MXRA5: variants seen among roughly 807,000 people sequenced by gnomAD.
The protein encoded by MXRA5 is matrix remodeling associated 5.
A neutral mutation model predicts 112.5 loss-of-function variants in MXRA5; 41 were observed. The ratio of observed to expected loss-of-function variants is 0.36; its 90% CI spans 0.28 to 0.47. The LOEUF is 0.47. MXRA5 is among the 20% of genes least tolerant of loss of function. The probability of loss-of-function intolerance (pLI) is 0.99; values close to 1 mark genes in which losing one functional copy is unlikely to be tolerated. For missense variants in MXRA5, 2,150 were observed against 2,251.0 expected, an observed-to-expected ratio of 0.96 and a Z score of 0.91; for synonymous variants, 862 against 900.8, an observed-to-expected ratio of 0.96 and a Z score of 0.77.
intron 6 of MXRA5, among the ~76,000 whole-genome samples, chrX:3,315,050 A>G (rs1228680534): frequency 4.6e-5 from 5 of 109,394 alleles, no homozygotes; most frequent in African/African-American, 6.7e-5. Flanking sequence ...ACATGCTAAG[A>G]CAGGGTTACT....
At chrX:3,325,805 C>CATATATTTATAAATAAATATATTATA (rs1569184658) in intron 4 of MXRA5, among the ~76,000 whole-genome samples, 1 of 76,925 alleles carries the variant, frequency 1.3e-5, no homozygotes, top group African/African-American at 4.8e-5. Context: ...TATAGATGTA[C>CATATATTTATAAATAAATATATTATA]ATATATTTAT....
At chrX:3,337,741 G>A (rs1921814425) in intron 2 of MXRA5, among the ~76,000 whole-genome samples, 2 of 111,896 alleles carry the variant, frequency 1.8e-5, no homozygotes, top group South Asian at 7.5e-4. Context: ...ATTGAGGGAT[G>A]TTGGATCCAT....
chrX:3,320,140 G>A lies in MXRA5; in HGVS notation c.5545C>T (p.Leu1849Phe). 8.3e-7 allele frequency: 1 copy of A among 1,211,322 alleles called. No individual in the cohort carries two copies. Among genetic ancestry groups the A allele is most frequent in the Non-Finnish European group, 1.1e-6 (1 of 895,387 alleles). Residue 1849 changes from leucine (L) to phenylalanine (F), a missense_variant, in exon 5 of 7, where the codon CTT (leucine) becomes TTT (phenylalanine). By Grantham distance (22) the Leu-to-Phe change is conservative (BLOSUM62 0). Coordinates refer to ENST00000217939, the MANE Select transcript of MXRA5 (RefSeq NM_015419.4). ...GGPPASKFWS[L>F]GEKPQILTKS... Reference sequence around the variant, plus strand: ...GTGAGGATTTGTGGCTTTTCCCCAAGAGACCAGAATTTGGATGCAGGAGGT... The same window carrying A: ...GTGAGGATTTGTGGCTTTTCCCCAAAAGACCAGAATTTGGATGCAGGAGGT...
In MXRA5 at chrX:3,310,721, C is replaced by A. The variant is rs779950232; in HGVS notation, c.7482G>T (p.Arg2494=). The A allele has an allele frequency of 8.3e-7, 1 of 1,199,065 alleles. No homozygotes were observed. Among genetic ancestry groups the A allele is most frequent in the Non-Finnish European group, 1.1e-6 (1 of 890,097 alleles). Reference sequence around the variant, plus strand: ...GGGAACCGTTGCCATGGACAGTGATCCGGTTTCCATAGTATGGAGCTGGCA... The same window carrying A: ...GGGAACCGTTGCCATGGACAGTGATACGGTTTCCATAGTATGGAGCTGGCA... ...VVLPAPYYGN[R]ITVHGNGSLD... Residue 2494 remains arginine, a synonymous_variant, in exon 7 of 7, where the codon CGG becomes CGT. Coordinates refer to ENST00000217939, the MANE Select transcript of MXRA5 (RefSeq NM_015419.4).
chrX:3,314,218 CT>C (rs1050016579), intron 6 of MXRA5, among the ~76,000 whole-genome samples: 1 of 112,233 alleles, frequency 8.9e-6, no homozygotes, highest in Non-Finnish European at 1.9e-5. Flanking sequence ...GATATTAGCT[CT>C]TTTTTTGTAT....
At position 3,320,487 on chromosome X, in the gene MXRA5, A is replaced by G. The variant is rs1434278965; in HGVS notation, c.5198T>C (p.Phe1733Ser). Residue 1733 changes from phenylalanine to serine, a missense_variant, in exon 5 of 7, where the codon TTT (phenylalanine) becomes TCT (serine). Physicochemically the swap from Phe to Ser is radical, Grantham distance 155. Around this residue, in one of 6 missense-constraint regions of MXRA5, gnomAD observed 1,485 missense variants for 1,471.6 expected, o/e 1.01. Transcript: ENST00000217939. ...TGGAAAAGAAAGAGTCTTGTTGGTA[A>G]AGAAAGGGAGTCTTCCATTGGAATA... is the stretch of plus-strand genomic sequence containing the variant. ...PHYSNGRLPF[F>S]TNKTLSFPQL... The G allele has an allele frequency of 8.3e-7, 1 of 1,209,690 alleles. No homozygotes were observed. The highest frequency in any genetic ancestry group is 3.0e-5 in the East Asian group (1 of 33,755).
At chrX:3,341,017 GATATATATAATGTATA>G (rs1272017488) in intron 2 of MXRA5, among the ~76,000 whole-genome samples, 1 of 50,309 alleles carries the variant, frequency 2.0e-5, no homozygotes, top group African/African-American at 6.4e-5. Context: ...TATTATACAT[GATATATATAATGTATA>G]ATATATATTG....
At position 3,340,499 on chromosome X, in the gene MXRA5, G is replaced by A. The variant is rs771454742; in HGVS notation, c.188+3147C>T. ...GATGGAAGTAATAGATGTTGATGCA[G>A]TGAAGTGATTCTCTAGGGTTTTAAA... On this transcript the variant is annotated intron_variant, in intron 2 of 6. Transcript: ENST00000217939. Among the ~76,000 whole-genome samples, 3 of 111,683 alleles carry A rather than the reference G, an allele frequency of 2.7e-5. No individual in the cohort carries two copies. The South Asian group carries it at 1.1e-3, about 42-fold the overall frequency.
rs201774813 is a variant in MXRA5, at chrX:3,310,933, C to G, written c.7270G>C (p.Ala2424Pro). 8.3e-7 allele frequency: 1 copy of G among 1,209,742 alleles called. No individual in the cohort carries two copies. The highest frequency in any genetic ancestry group is 1.8e-5 in the African/African-American group (1 of 57,087). The stretch of plus-strand genomic sequence containing the variant: ...CACACCGTCTTCCTATCCTCTCCCG[C>G]GCTGTTCCTGACCAAGCAGGTGTAG... ...GNYTCLVRNS[A>P]GEDRKTVWIH... is the part of the protein sequence containing the mutation. The change falls in exon 7 of 7, where the codon GCG becomes CCG. Residue 2424 changes from alanine (A) to proline (P), a missense_variant. Around this residue, in one of 6 missense-constraint regions of MXRA5, gnomAD observed 1,485 missense variants for 1,471.6 expected, o/e 1.01. Coordinates refer to ENST00000217939, the MANE Select transcript of MXRA5 (RefSeq NM_015419.4).
intron 2 of MXRA5, among the ~76,000 whole-genome samples, chrX:3,333,114 G>C (rs978348205): frequency 2.0e-4 from 22 of 108,254 alleles, no homozygotes; most frequent in African/African-American, 6.7e-4. Context: ...ACCAGCCTGG[G>C]CAACATAGTG....
intron 4 of MXRA5, 151 bp from the exon 5 acceptor site, chrX:3,325,126 C>T: frequency 1.5e-6 from 1 of 657,216 alleles, no homozygotes; most frequent in Non-Finnish European, 2.1e-6. Flanking sequence ...GCCTTTGAGG[C>T]TTCATGTTAA....
At chrX:3,342,580 C>T (rs943596386) in intron 2 of MXRA5, among the ~76,000 whole-genome samples, 1 of 112,004 alleles carries the variant, frequency 8.9e-6, no homozygotes, top group Non-Finnish European at 1.9e-5. Flanking sequence ...CTCATAAAGT[C>T]TAACAGCATT....
intron 6 of MXRA5, among the ~76,000 whole-genome samples, chrX:3,316,515 A>ATAATAATAATAATAC (rs1431162738): frequency 1.3e-5 from 1 of 76,944 alleles, no homozygotes; most frequent in Non-Finnish European, 2.4e-5. Context: ...AATAATAATA[A>ATAATAATAATAATAC]TAACAAGCCG....
At chrX:3,314,831 G>A (rs1340813144) in intron 6 of MXRA5, among the ~76,000 whole-genome samples, 1 of 109,866 alleles carries the variant, frequency 9.1e-6, no homozygotes, top group Non-Finnish European at 1.9e-5. Flanking sequence ...ATATCTCCTT[G>A]GAATAAAATC....
intron 6 of MXRA5, among the ~76,000 whole-genome samples, chrX:3,312,527 G>A (rs1921002138): frequency 9.1e-6 from 1 of 109,537 alleles, no homozygotes; most frequent in African/African-American, 3.3e-5. Flanking sequence ...ACATTATAAT[G>A]GGAGCCTTAA....
Position 3,322,511 on chromosome X carries a change from C to G in MXRA5, c.3174G>C (p.Lys1058Asn). The G allele has an allele frequency of 8.3e-7, 1 of 1,211,280 alleles. No homozygotes were observed. Among genetic ancestry groups the G allele is most frequent in the Non-Finnish European group, 1.1e-6 (1 of 895,288 alleles). Residue 1058 changes from lysine to asparagine, a missense_variant, in exon 5 of 7, where the codon AAG becomes AAC. By Grantham distance (94) the Lys-to-Asn change is moderately conservative. This residue lies in a region of MXRA5 where 1,485 missense variants were observed against 1,471.6 expected (regional missense o/e 1.01). Coordinates refer to ENST00000217939, the MANE Select transcript of MXRA5 (RefSeq NM_015419.4). ...LSTQDTLLIK[K>N]GMKEMSQTLQ... ...GTGTCTGAGACATCTCTTTCATACCCTTTTTAATCAGTAAGGTGTCTTGAG... is the reference window on the plus strand; with the variant it reads ...GTGTCTGAGACATCTCTTTCATACCGTTTTTAATCAGTAAGGTGTCTTGAG...
In MXRA5 at chrX:3,322,326, A is replaced by C. The variant is rs1276191036; in HGVS notation, c.3359T>G (p.Leu1120Arg). 1 of 1,210,998 alleles carries C rather than the reference A, an allele frequency of 8.3e-7. No homozygotes were observed. The highest frequency in any genetic ancestry group is 3.0e-5 in the East Asian group (1 of 33,806). Residue 1120 changes from leucine to arginine, a missense_variant, in exon 5 of 7, where the codon CTC becomes CGC. Physicochemically the swap from Leu to Arg is moderately radical, Grantham distance 102. Coordinates refer to ENST00000217939, the MANE Select transcript of MXRA5 (RefSeq NM_015419.4). ...KKPAETTVGT[L>R]LDKDTTTATT... is the part of the protein sequence containing the mutation. ...TGCTGTTGTGGTGTCTTTGTCTAGG[A>C]GGGTACCAACTGTGGTTTCCGCAGG...
In MXRA5 at chrX:3,310,025, C is replaced by G; in HGVS notation, c.8178G>C (p.Val2726=). The G allele has an allele frequency of 8.3e-7, 1 of 1,211,408 alleles. No homozygotes were observed. The highest frequency in any genetic ancestry group is 1.1e-6 in the Non-Finnish European group (1 of 895,452). ...EYGPSVTSIP[V]IVIAYPPRIT... ...TCCGGGGAGGATAGGCGATCACAAT[C>G]ACGGGGATGCTGGTGACCGAAGGGC... The change falls in exon 7 of 7, where the codon GTG becomes GTC. Residue 2726 remains valine, a synonymous_variant. Transcript: ENST00000217939.
chrX:3,326,122 T>A (rs1426812110), intron 4 of MXRA5, among the ~76,000 whole-genome samples: 6 of 6,896 alleles, frequency 8.7e-4, no homozygotes, highest in African/African-American at 9.6e-4. Context: ...CATTTATATA[T>A]ATTTATATAT....
Sources: gnomAD v4.1 joint callset for allele counts (sites outside exome capture counted in the v4.1 genomes callset) on GRCh38, gnomAD v4.1.1 for gene constraint, gnomAD v4.1.1 regional missense constraint, MANE v1.5 for transcripts, NCBI Gene and HGNC (gene_info 2026-07-23, HGNC 2026-07-21) for gene names.